The following YPEL2 variants were observed in gnomAD, a reference collection of about 807,000 sequenced individuals.
YPEL2 encodes yippee like 2, also known as protein yippee-like 2.
YPEL2 carries 2 observed loss-of-function variants against 19.1 expected under a neutral mutation model. That is an observed-to-expected ratio of 0.10 (90% CI 0.04 to 0.33). The LOEUF (loss-of-function observed/expected upper bound fraction) is 0.33. Among genes scored for constraint, YPEL2 ranks in the 10% least tolerant of loss-of-function variants. YPEL2 has a pLI of 1.00. For missense variants in YPEL2, 66 were observed against 140.7 expected, an observed-to-expected ratio of 0.47 and a Z score of 2.68; for synonymous variants, 52 against 50.0, an observed-to-expected ratio of 1.04 and a Z score of -0.17.
chr17:59,338,331 G>C (rs1205012389), intron 1 of YPEL2, among the ~76,000 whole-genome samples: 2 of 152,226 alleles, frequency 1.3e-5, no homozygotes, highest in Non-Finnish European at 2.9e-5. Flanking sequence ...AGTTGCACCA[G>C]AGAAAGTGGC....
intron 2 of YPEL2, among the ~76,000 whole-genome samples, chr17:59,379,086 CTTG>C (rs1340349123): frequency 6.6e-6 from 1 of 152,224 alleles, no homozygotes; most frequent in African/African-American, 2.4e-5. Context: ...TCTGTGTCCT[CTTG>C]TTCTTACTGC....
At chr17:59,378,553 CT>C (rs1369504073) in intron 2 of YPEL2, among the ~76,000 whole-genome samples, 1 of 152,128 alleles carries the variant, frequency 6.6e-6, no homozygotes, top group East Asian at 1.9e-4. Context: ...CCAGGCTCGT[CT>C]TGAACTCCCT....
chr17:59,339,673 G>C (rs1275744157), intron 1 of YPEL2, among the ~76,000 whole-genome samples: 1 of 152,114 alleles, frequency 6.6e-6, no homozygotes, highest in Non-Finnish European at 1.5e-5. Flanking sequence ...GGCTGGTTTG[G>C]GGAGGAAGGA....
chr17:59,381,683 G>A (rs1405022683), intron 2 of YPEL2, among the ~76,000 whole-genome samples: 2 of 152,120 alleles, frequency 1.3e-5, no homozygotes, highest in Non-Finnish European at 1.5e-5. Flanking sequence ...GAAGGGCTGG[G>A]CCTGGAACTA....
chr17:59,398,645 C>T lies in YPEL2; in HGVS notation c.*1455C>T, dbSNP rs952105364. ...GAAGTCTGTTCTACAGCAATTCAGC[C>T]ATTACACAGTATATGACTGAAACTC... On this transcript the variant is annotated 3_prime_UTR_variant, in exon 5 of 5. Transcript: ENST00000312655. 6.6e-5 allele frequency: 10 copies of T among 152,216 alleles called. No homozygotes were observed. The highest frequency in any genetic ancestry group is 1.5e-4 in the Non-Finnish European group (10 of 68,048). The allele number at this position is 152,216 out of a possible 1,614,324, so 9.4% of individuals were successfully genotyped here.
At chr17:59,387,756 T>C (rs761226798) in intron 2 of YPEL2, among the ~76,000 whole-genome samples, 12 of 152,226 alleles carry the variant, frequency 7.9e-5, no homozygotes, top group Non-Finnish European at 1.2e-4. Context: ...TCAAAAGAGC[T>C]CCTGTGCTCC....
intron 1 of YPEL2, among the ~76,000 whole-genome samples, chr17:59,350,732 C>T (rs1375068286): frequency 6.6e-6 from 1 of 152,076 alleles, no homozygotes; most frequent in Non-Finnish European, 1.5e-5. Flanking sequence ...TTGGGGGTTT[C>T]CTTCAGAGGA....
intron 1 of YPEL2, among the ~76,000 whole-genome samples, chr17:59,332,480 A>AGCCTCTGCCGCGAGC (rs1188213720): frequency 4.0e-5 from 6 of 151,814 alleles, no homozygotes; most frequent in Non-Finnish European, 7.4e-5. Context: ...GGAACGCGGG[A>AGCCTCTGCCGCGAGC]GCCTCTGCCG....
intron 2 of YPEL2, among the ~76,000 whole-genome samples, chr17:59,379,663 G>A (rs2047938806): frequency 6.6e-6 from 1 of 152,158 alleles, no homozygotes; most frequent in African/African-American, 2.4e-5. Context: ...AAATGTTCTG[G>A]AAATAGTGGT....
chr17:59,397,204 A>G lies in YPEL2; in HGVS notation c.*14A>G. The G allele has an allele frequency of 6.3e-7, 1 of 1,583,868 alleles. No individual in the cohort carries two copies. The highest frequency in any genetic ancestry group is 1.2e-5 in the South Asian group (1 of 86,774). The stretch of plus-strand genomic sequence containing the variant: ...GGCTGGGACTGATTGGACAGCATCT[A>G]CCCAACCCAGTGTCCACGTGAACGC... On this transcript the variant is annotated 3_prime_UTR_variant, in exon 5 of 5. Transcript: ENST00000312655.
At chr17:59,333,152 C>T (rs1269935573) in intron 1 of YPEL2, among the ~76,000 whole-genome samples, 1 of 152,234 alleles carries the variant, frequency 6.6e-6, no homozygotes, top group Admixed American at 6.5e-5. Flanking sequence ...CTGAGTCTTG[C>T]CTCCGGTGAG....
At chr17:59,361,116 G>A (rs2047838530) in intron 2 of YPEL2, among the ~76,000 whole-genome samples, 1 of 152,198 alleles carries the variant, frequency 6.6e-6, no homozygotes, top group South Asian at 2.1e-4. Context: ...ACAGATGTGA[G>A]CCACCGCACG....
At position 59,380,648 on chromosome 17, in the gene YPEL2, C is replaced by T. The variant is rs189258562; in HGVS notation, c.118-7679C>T. Reference sequence around the variant, plus strand: ...TGTTTTACAGACTAGAAAATTGTGGCTCAGAGAGGTTAATGAGCTTGTTCA... The same window carrying T: ...TGTTTTACAGACTAGAAAATTGTGGTTCAGAGAGGTTAATGAGCTTGTTCA... On this transcript the variant is annotated intron_variant, in intron 2 of 4. Transcript: ENST00000312655. Among the ~76,000 whole-genome samples, 4 of 152,278 alleles carry T rather than the reference C, an allele frequency of 2.6e-5. No homozygotes were observed. In the East Asian group the frequency reaches 7.7e-4, roughly 29 times the overall value.
chr17:59,372,608 G>A lies in YPEL2; in HGVS notation c.118-15719G>A, dbSNP rs2047902261. ...CTGCTAAGGATCCCACACCCTCTCCGCTCCCTTCAGTAAGGAAATATTTGT... is the reference window on the plus strand; with the variant it reads ...CTGCTAAGGATCCCACACCCTCTCCACTCCCTTCAGTAAGGAAATATTTGT... On this transcript the variant is annotated intron_variant, in intron 2 of 4. Coordinates refer to ENST00000312655, the MANE Select transcript of YPEL2 (RefSeq NM_001005404.4). Among the ~76,000 whole-genome samples the A allele has an allele frequency of 4.6e-5, 7 of 152,234 alleles. No homozygotes were observed. In the South Asian group the frequency reaches 1.5e-3, roughly 32 times the overall value.
At chr17:59,388,518 GT>G in intron 3 of YPEL2, 148 bp downstream of exon 3, 1 of 822,904 alleles carries the variant, frequency 1.2e-6, no homozygotes, top group Non-Finnish European at 2.1e-6. Flanking sequence ...TTGGTAGTCA[GT>G]TACCTTTGGG....
intron 2 of YPEL2, among the ~76,000 whole-genome samples, chr17:59,386,783 T>C (rs1179309540): frequency 6.6e-6 from 1 of 152,194 alleles, no homozygotes; most frequent in Non-Finnish European, 1.5e-5. Flanking sequence ...GCCTGGAAGC[T>C]GCTATATTCC....
At chr17:59,334,814 T>C (rs1161444851) in intron 1 of YPEL2, among the ~76,000 whole-genome samples, 2 of 152,214 alleles carry the variant, frequency 1.3e-5, no homozygotes, top group Non-Finnish European at 2.9e-5. Context: ...ACTTTAATAA[T>C]GTTCAGTTTG....
chr17:59,389,600 CCA>C (rs1224528352), intron 4 of YPEL2, 132 bp downstream of exon 4: 1 of 673,880 alleles, frequency 1.5e-6, no homozygotes, highest in Non-Finnish European at 2.6e-6. Context: ...CACCTGTCTA[CCA>C]CACTCATTCT....
At chr17:59,373,532 C>T (rs1260269053) in intron 2 of YPEL2, among the ~76,000 whole-genome samples, 1 of 152,082 alleles carries the variant, frequency 6.6e-6, no homozygotes, top group Admixed American at 6.6e-5. Context: ...TATTTTAGTC[C>T]CGTTTTCTAG....
Sources: allele counts gnomAD v4.1 joint callset (sites outside exome capture counted in the v4.1 genomes callset), GRCh38; gene constraint gnomAD v4.1.1; transcripts MANE v1.5; gene names NCBI Gene and HGNC (gene_info 2026-07-23, HGNC 2026-07-21).